Variants in CLHC1 observed in about 807,000 individuals in gnomAD.
CLHC1 encodes the protein clathrin heavy chain linker domain containing 1.
CLHC1 carries 72 observed loss-of-function variants against 69.5 expected under a neutral mutation model. The observed-to-expected ratio is 1.04, with a 90% CI of 0.86 to 1.26. The LOEUF (loss-of-function observed/expected upper bound fraction) is 1.26. CLHC1 is among the 50% of genes most tolerant of loss of function. The pLI, the probability that CLHC1 is intolerant of heterozygous loss-of-function variation, is 0.00. For missense variants in CLHC1, 790 were observed against 679.3 expected (o/e 1.16, Z -1.81); for synonymous variants, 223 against 224.3 (o/e 0.99, Z 0.05).
intron 4 of CLHC1, among the ~76,000 whole-genome samples, chr2:55,216,448 A>C (rs1673515501): frequency 1.3e-5 from 2 of 152,216 alleles, no homozygotes; most frequent in South Asian, 4.1e-4. Flanking sequence ...GCTCTAATTC[A>C]GATAGTAATC....
intron 9 of CLHC1, among the ~76,000 whole-genome samples, chr2:55,190,646 T>C (rs2103775246): frequency 6.6e-6 from 1 of 152,212 alleles, no homozygotes; most frequent in Admixed American, 6.5e-5. Context: ...GATTAGATAC[T>C]GAAGATTAGT....
intron 3 of CLHC1, among the ~76,000 whole-genome samples, chr2:55,219,690 T>A (rs1444012051): frequency 6.6e-6 from 1 of 152,104 alleles, no homozygotes; most frequent in East Asian, 1.9e-4. Context: ...CTGCAGGCAT[T>A]TAAGTTTGAG....
intron 9 of CLHC1, among the ~76,000 whole-genome samples, chr2:55,199,374 T>C (rs1387524927): frequency 2.4e-5 from 3 of 123,748 alleles, no homozygotes; most frequent in Admixed American, 7.9e-5. Context: ...TAACGAACAA[T>C]AAGAAATTAA....
rs201346991 is a variant in CLHC1 at position 55,208,722 on chromosome 2, G to A, written c.815-12C>T. ...AATGCCTTGGTCACCTGTAAATATT[G>A]AAAGTACTACTGGAAGATATTTAAG... On this transcript the variant is annotated splice_polypyrimidine_tract_variant and intron_variant, in intron 7 of 12. Transcript: ENST00000401408. 1.6e-5 allele frequency: 25 copies of A among 1,555,660 alleles called. No individual in the cohort carries two copies. The East Asian group carries it at 5.2e-4, about 32-fold the overall frequency.
intron 9 of CLHC1, among the ~76,000 whole-genome samples, chr2:55,201,012 C>T (rs908302189): frequency 1.3e-4 from 20 of 151,826 alleles, no homozygotes; most frequent in Non-Finnish European, 2.6e-4. Context: ...ATACCAAAAC[C>T]TATAGGATAA....
At chr2:55,213,543 G>A (rs949567693) in intron 4 of CLHC1, among the ~76,000 whole-genome samples, 1 of 152,110 alleles carries the variant, frequency 6.6e-6, no homozygotes, top group African/African-American at 2.4e-5. Flanking sequence ...AAACTTTATT[G>A]AGCCTACTAC....
At chr2:55,207,688 C>A (rs1261143541) in intron 8 of CLHC1, among the ~76,000 whole-genome samples, 1 of 152,122 alleles carries the variant, frequency 6.6e-6, no homozygotes, top group Non-Finnish European at 1.5e-5. Flanking sequence ...AAAAATGCTC[C>A]TGCATGTTAA....
intron 9 of CLHC1, among the ~76,000 whole-genome samples, chr2:55,201,721 C>T (rs949991856): frequency 6.6e-6 from 1 of 152,060 alleles, no homozygotes; most frequent in African/African-American, 2.4e-5. Flanking sequence ...GAAAAGAAAA[C>T]TACATGTCAA....
intron 1 of CLHC1, among the ~76,000 whole-genome samples, chr2:55,230,336 G>C (rs569210764): frequency 6.6e-6 from 1 of 152,322 alleles, no homozygotes; most frequent in Non-Finnish European, 1.5e-5. Flanking sequence ...TTTGGCCTTA[G>C]TGACTGGAGA....
chr2:55,211,479 G>T (rs1204150618), intron 5 of CLHC1, among the ~76,000 whole-genome samples: 1 of 147,656 alleles, frequency 6.8e-6, no homozygotes, highest in Non-Finnish European at 1.5e-5. Context: ...TACAGCCTGG[G>T]TGACAGAGCG....
At chr2:55,187,999 A>G (rs1346747779) in intron 9 of CLHC1, among the ~76,000 whole-genome samples, 1 of 152,154 alleles carries the variant, frequency 6.6e-6, no homozygotes, top group Non-Finnish European at 1.5e-5. Flanking sequence ...AGTACTTCAC[A>G]AAATGGGAAA....
chr2:55,224,658 A>G, intron 2 of CLHC1: 1 of 230,616 alleles, frequency 4.3e-6, no homozygotes, highest in Non-Finnish European at 9.0e-6. Context: ...AGGCGCATGG[A>G]GGAGCTGGCG....
chr2:55,230,670 T>C (rs1275540124), intron 1 of CLHC1, among the ~76,000 whole-genome samples: 3 of 152,104 alleles, frequency 2.0e-5, no homozygotes, highest in African/African-American at 7.2e-5. Flanking sequence ...GCCTCCAGGG[T>C]GGCAGAAAAA....
chr2:55,180,468 C>CCAGAATT, intron 11 of CLHC1, 42 bp downstream of exon 11: 1 of 1,446,370 alleles, frequency 6.9e-7, no homozygotes, highest in Non-Finnish European at 9.7e-7. Context: ...CAATTAAAGC[C>CCAGAATT]CAGAATTCAA....
chr2:55,178,917 AATTATTATTATT>A (rs67704586), intron 11 of CLHC1, among the ~76,000 whole-genome samples: 1 of 144,408 alleles, frequency 6.9e-6, no homozygotes, highest in African/African-American at 2.5e-5. Flanking sequence ...TTTTTTAAAA[AATTATTATTATT>A]ATTATTATTA....
intron 3 of CLHC1, among the ~76,000 whole-genome samples, chr2:55,220,330 G>A (rs1402299045): frequency 6.6e-6 from 1 of 152,112 alleles, no homozygotes; most frequent in Non-Finnish European, 1.5e-5. Flanking sequence ...GTCATTAATA[G>A]TTCATTAACA....
intron 5 of CLHC1, among the ~76,000 whole-genome samples, chr2:55,212,166 A>C (rs1363331733): frequency 6.6e-6 from 1 of 152,168 alleles, no homozygotes; most frequent in African/African-American, 2.4e-5. Context: ...AATCCCAGCT[A>C]CTTGGGAGGC....
intron 2 of CLHC1, among the ~76,000 whole-genome samples, chr2:55,222,941 AAGT>A (rs1332162008): frequency 3.3e-5 from 5 of 151,004 alleles, no homozygotes; most frequent in Admixed American, 2.6e-4. Flanking sequence ...AAAAAAAAAA[AAGT>A]CTATGCTATT....
At chr2:55,207,544 C>T (rs1672566979) in intron 8 of CLHC1, among the ~76,000 whole-genome samples, 1 of 152,246 alleles carries the variant, frequency 6.6e-6, no homozygotes, top group African/African-American at 2.4e-5. Flanking sequence ...ACCATACCAA[C>T]AATCCAATTA....
Sources: gnomAD v4.1 joint callset for allele counts (sites outside exome capture counted in the v4.1 genomes callset) on GRCh38, gnomAD v4.1.1 for gene constraint, MANE v1.5 for transcripts, NCBI Gene and HGNC (gene_info 2026-07-23, HGNC 2026-07-21) for gene names.